Variants in UBE3D observed in about 807,000 individuals in gnomAD.
UBE3D encodes the protein E3 ubiquitin-protein ligase E3D.
In UBE3D, 48 loss-of-function variants were observed where a neutral mutation model predicts 49.6. The observed-to-expected ratio is 0.97, with a 90% CI of 0.77 to 1.23. The LOEUF (loss-of-function observed/expected upper bound fraction) is 1.23. Among genes scored for constraint, UBE3D ranks in the 50% most tolerant of loss-of-function variants. UBE3D has a pLI of 0.00. For synonymous variants in UBE3D, 189 were observed against 174.2 expected, an observed-to-expected ratio of 1.08 and a Z score of -0.67; for missense variants, 452 against 468.4, an observed-to-expected ratio of 0.96 and a Z score of 0.32.
chr6:83,024,972 A>G (rs1781354310), intron 5 of UBE3D, among the ~76,000 whole-genome samples: 1 of 152,188 alleles, frequency 6.6e-6, no homozygotes, highest in Non-Finnish European at 1.5e-5. Flanking sequence ...TTTATGATTC[A>G]AGCTCGACTT....
intron 8 of UBE3D, among the ~76,000 whole-genome samples, chr6:83,001,414 T>A (rs1779627091): frequency 6.6e-6 from 1 of 152,226 alleles, no homozygotes; most frequent in African/African-American, 2.4e-5. Context: ...TGAAAACTTT[T>A]CTATTAGTTG....
At chr6:83,030,330 TG>T (rs1781776118) in intron 5 of UBE3D, among the ~76,000 whole-genome samples, 1 of 152,168 alleles carries the variant, frequency 6.6e-6, no homozygotes, top group African/African-American at 2.4e-5. Context: ...AATTAAACCA[TG>T]GGGGCATGTT....
chr6:83,016,905 A>G (rs530833485), intron 8 of UBE3D, among the ~76,000 whole-genome samples: 1 of 152,206 alleles, frequency 6.6e-6, no homozygotes, highest in African/African-American at 2.4e-5. Flanking sequence ...TAGTCTTTTC[A>G]TGTTTTTCTG....
chr6:82,946,231 G>A (rs1318899307), intron 9 of UBE3D, among the ~76,000 whole-genome samples: 1 of 152,066 alleles, frequency 6.6e-6, no homozygotes, highest in Non-Finnish European at 1.5e-5. Flanking sequence ...CAAAGGTCAA[G>A]AATAAAGAAA....
At chr6:83,013,456 C>T (rs1265400845) in intron 8 of UBE3D, among the ~76,000 whole-genome samples, 1 of 152,102 alleles carries the variant, frequency 6.6e-6, no homozygotes, top group Non-Finnish European at 1.5e-5. Context: ...GTTACATGGC[C>T]CAAGTGGCAG....
chr6:82,903,023 C>G (rs1387278434), intron 9 of UBE3D, among the ~76,000 whole-genome samples: 1 of 151,158 alleles, frequency 6.6e-6, no homozygotes, highest in Non-Finnish European at 1.5e-5. Context: ...CTGAGCTTCA[C>G]ATTCATTCCA....
At chr6:83,025,667 G>T (rs986377334) in intron 5 of UBE3D, among the ~76,000 whole-genome samples, 3 of 152,016 alleles carry the variant, frequency 2.0e-5, no homozygotes, top group African/African-American at 7.2e-5. Flanking sequence ...CAGATCACCT[G>T]GGGTCAGGCG....
rs1783711720 is a variant in UBE3D, at chr6:83,054,853, CT to C, written c.275-616del. On this transcript the variant is annotated intron_variant, in intron 2 of 9. Transcript: ENST00000369747. ...TTTAGTAGAGACGGGGTTTCACCAT[CT>C]TGGCCAGTCTGGTCTTGCATTCCTG... is the stretch of plus-strand genomic sequence containing the variant. 2.0e-5 allele frequency among the ~76,000 whole-genome samples: 3 copies of C among 152,150 alleles called. No homozygotes were observed. The South Asian group carries it at 6.2e-4, about 32-fold the overall frequency.
intron 9 of UBE3D, among the ~76,000 whole-genome samples, chr6:82,906,637 C>T (rs1772121002): frequency 1.3e-5 from 2 of 152,190 alleles, no homozygotes; most frequent in Non-Finnish European, 2.9e-5. Context: ...TTAGCCACCA[C>T]ATCTGGAGAT....
At chr6:82,941,358 AT>A (rs78869056) in intron 9 of UBE3D, among the ~76,000 whole-genome samples, 22,962 of 149,848 alleles carry the variant, frequency 0.15, 1,750 homozygotes, top group South Asian at 0.17. Context: ...TTAAAAAAAA[AT>A]AATGGCTATA....
chr6:82,928,329 G>A lies in UBE3D; in HGVS notation c.1149+28983C>T, dbSNP rs193270772. Reference sequence around the variant, plus strand: ...TAAAACAAGCCAACAAGTCTCTCAGGGACTTCTGAGAACATTATTAATGTT... The same window carrying A: ...TAAAACAAGCCAACAAGTCTCTCAGAGACTTCTGAGAACATTATTAATGTT... On this transcript the variant is annotated intron_variant, in intron 9 of 9. Transcript: ENST00000369747. Among the ~76,000 whole-genome samples, 86 of 152,000 alleles carry A rather than the reference G, an allele frequency of 5.7e-4. 1 individual carries two copies. The highest frequency in any genetic ancestry group is 1.0e-4 in the Non-Finnish European group (7 of 67,914).
chr6:82,930,711 T>C (rs929686350), intron 9 of UBE3D, among the ~76,000 whole-genome samples: 9 of 152,038 alleles, frequency 5.9e-5, no homozygotes, highest in South Asian at 2.1e-4. Flanking sequence ...AACTTTGAAG[T>C]TGAGAGATAT....
At chr6:83,013,809 C>T (rs903328355) in intron 8 of UBE3D, among the ~76,000 whole-genome samples, 1 of 152,176 alleles carries the variant, frequency 6.6e-6, no homozygotes, top group Non-Finnish European at 1.5e-5. Flanking sequence ...CCAATAAGTC[C>T]AGTGTGTTTG....
chr6:82,943,743 G>C lies in UBE3D; in HGVS notation c.1149+13569C>G, dbSNP rs1775191626. Among the ~76,000 whole-genome samples the C allele has an allele frequency of 2.0e-5, 3 of 152,180 alleles. No individual in the cohort carries two copies. In the South Asian group the frequency reaches 6.2e-4, roughly 32 times the overall value. On this transcript the variant is annotated intron_variant, in intron 9 of 9. Transcript: ENST00000369747. ...ACTGAAAAGAATAGGAAACAGTCTT[G>C]AATTGTCAATGCCACCCCTCTCCCA...
At chr6:83,035,302 T>C (rs891227546) in intron 5 of UBE3D, among the ~76,000 whole-genome samples, 3 of 152,354 alleles carry the variant, frequency 2.0e-5, no homozygotes, top group African/African-American at 4.8e-5. Context: ...CTCTCCTTTA[T>C]TGTACACCTT....
intron 8 of UBE3D, among the ~76,000 whole-genome samples, chr6:82,992,216 CTT>C (rs386407755): frequency 0.11 from 10,892 of 95,372 alleles, 156 homozygotes; most frequent in African/African-American, 0.15. Context: ...ATCTGCATTC[CTT>C]TTTTTTTTTT....
At chr6:83,030,359 T>C (rs986535631) in intron 5 of UBE3D, among the ~76,000 whole-genome samples, 26 of 152,286 alleles carry the variant, frequency 1.7e-4, no homozygotes, top group African/African-American at 6.0e-4. Flanking sequence ...TATCATGTTC[T>C]CATGATAATG....
chr6:82,964,552 T>C (rs537229059), intron 8 of UBE3D, among the ~76,000 whole-genome samples: 54 of 152,310 alleles, frequency 3.5e-4, no homozygotes, highest in Non-Finnish European at 7.2e-4. Flanking sequence ...GCAAAGAGCC[T>C]ATTAAAGATA....
At chr6:83,004,582 A>T (rs973637462) in intron 8 of UBE3D, among the ~76,000 whole-genome samples, 6 of 152,210 alleles carry the variant, frequency 3.9e-5, no homozygotes, top group Non-Finnish European at 8.8e-5. Context: ...ATAAACACTT[A>T]CTTGAGATTG....
Sources: gnomAD v4.1 joint callset for allele counts (sites outside exome capture counted in the v4.1 genomes callset) on GRCh38, gnomAD v4.1.1 for gene constraint, MANE v1.5 for transcripts, NCBI Gene and HGNC (gene_info 2026-07-23, HGNC 2026-07-21) for gene names.